SLC46A1: variants seen among roughly 807,000 people sequenced by gnomAD.
SLC46A1 encodes the protein solute carrier family 46 member 1, also known as proton-coupled folate transporter.
In SLC46A1, 17 loss-of-function variants were observed where a neutral mutation model predicts 32.1. The observed-to-expected ratio is 0.53, with a 90% confidence interval of 0.36 to 0.79. The LOEUF (loss-of-function observed/expected upper bound fraction) is 0.79, where lower values mean the gene tolerates loss of function less well. Ranked by LOEUF, SLC46A1 falls within the 30% of genes least tolerant of loss-of-function variation. The pLI is 0.00. For synonymous variants in SLC46A1, 240 were observed against 262.7 expected (o/e 0.91, Z 0.84); for missense variants, 517 against 588.2 (o/e 0.88, Z 1.25).
Position 28,405,329 on chromosome 17 carries a change from C to A in SLC46A1, c.368G>T (p.Gly123Val). ...GGACACTAGGGCCTGGAGCAGCAGG[C>A]CCAGCGAGGCCAGCACTAGCAGCGG... ...RRPLLVLASL[G>V]LLLQALVSVF... The change falls in exon 2 of 5, where the codon GGC (glycine) becomes GTC (valine). Residue 123 changes from glycine (G) to valine (V), a missense_variant. Gly to Val is a moderately radical substitution (Grantham distance 109). Coordinates refer to ENST00000612814, the MANE Select transcript of SLC46A1 (RefSeq NM_080669.6). 6.3e-7 allele frequency: 1 copy of A among 1,589,542 alleles called. No homozygotes were observed. Among genetic ancestry groups the A allele is most frequent in the Admixed American group, 1.8e-5 (1 of 55,824 alleles).
In SLC46A1 at chr17:28,396,482, T is replaced by G; in HGVS notation, c.*3174A>C. 2 of 659,108 alleles carry G rather than the reference T, an allele frequency of 3.0e-6. No homozygotes were observed. Among genetic ancestry groups the G allele is most frequent in the Non-Finnish European group, 5.1e-6 (2 of 393,520 alleles). 40.8% of individuals were successfully genotyped at this position (659,108 alleles called of 1,614,324 possible). A position where few individuals can be genotyped will look rare whatever the true frequency, so the allele number is the denominator to read the frequency against. ...TCAGTATCTGGAGAGGGAAGGGAAG[T>G]CAGGCTTGGGCACGGGAGGTTAGAA... On this transcript the variant is annotated 3_prime_UTR_variant, in exon 5 of 5. Coordinates refer to ENST00000612814, the MANE Select transcript of SLC46A1 (RefSeq NM_080669.6).
At position 28,405,184 on chromosome 17, in the gene SLC46A1, G is replaced by C; in HGVS notation, c.513C>G (p.Val171=). Residue 171 remains valine, a synonymous_variant, in exon 2 of 5, where the codon GTC becomes GTG. Transcript: ENST00000612814. ...LAASFASVAD[V]SSSRSRTFRM... is the part of the protein sequence containing the mutation. ...GGAAGGTGCGGCTGCGACTGGAGCT[G>C]ACATCTGCCACGGACGCAAAGCTAG... 1 of 1,607,074 alleles carries C rather than the reference G, an allele frequency of 6.2e-7. No homozygotes were observed. The highest frequency in any genetic ancestry group is 8.5e-7 in the Non-Finnish European group (1 of 1,176,698).
rs1555589790 is a variant in SLC46A1 at position 28,402,332 on chromosome 17, A to G, written c.1082-11T>C. The G allele has an allele frequency of 6.2e-7, 1 of 1,610,984 alleles. No homozygotes were observed. On this transcript the variant is annotated splice_polypyrimidine_tract_variant and intron_variant, in intron 2 of 4. Transcript: ENST00000612814. ...AAAGCAACCCATATCCTGTGGAGAA[A>G]CAAACACTCATCAGGAAAATGGGGC...
rs2068236814 is a variant in SLC46A1 at position 28,404,829 on chromosome 17, G to C, written c.868C>G (p.Leu290Val). The stretch of plus-strand genomic sequence containing the variant: ...CAGAGGGGTGTGCTTAGTTCATAAA[G>C]GGTTAAGATGTCCTGGGCCCCAAAG... ...VHFGAQDILT[L>V]YELSTPLCWD... Residue 290 changes from leucine (L) to valine (V), a missense_variant, in exon 2 of 5, where the codon CTT becomes GTT. Transcript: ENST00000612814. 1 of 1,613,842 alleles carries C rather than the reference G, an allele frequency of 6.2e-7. No individual in the cohort carries two copies. Among genetic ancestry groups the C allele is most frequent in the Non-Finnish European group, 8.5e-7 (1 of 1,179,890 alleles).
chr17:28,400,933 T>A (rs1255673730), intron 3 of SLC46A1, 167 bp from the exon 4 acceptor site: 2 of 684,656 alleles, frequency 2.9e-6, no homozygotes, highest in African/African-American at 3.5e-5. Flanking sequence ...TTCAGTAAGG[T>A]CATATGTGGA....
chr17:28,394,655 A>G lies in SLC46A1; in HGVS notation c.*5001T>C, dbSNP rs879981435. 9 of 152,180 alleles carry G rather than the reference A, an allele frequency of 5.9e-5. No individual in the cohort carries two copies. Among genetic ancestry groups the G allele is most frequent in the Admixed American group, 5.9e-4 (9 of 15,276 alleles). 9.4% of individuals were successfully genotyped at this position (152,180 alleles called of 1,614,324 possible). ...AACTCAGGAAAGCACTTTACTTACT[A>G]TTAGTTGTTTATTATGTCAACCTTA... On this transcript the variant is annotated 3_prime_UTR_variant, in exon 5 of 5. Transcript: ENST00000612814.
chr17:28,395,816 C>A lies in SLC46A1; in HGVS notation c.*3840G>T. On this transcript the variant is annotated 3_prime_UTR_variant, in exon 5 of 5. Coordinates refer to ENST00000612814, the MANE Select transcript of SLC46A1 (RefSeq NM_080669.6). Reference sequence around the variant, plus strand: ...TGGTGTCCTGCCCTGGGCCCAGCCTCGGGCCAGTGGGCCTCCCAGCACCTG... The same window carrying A: ...TGGTGTCCTGCCCTGGGCCCAGCCTAGGGCCAGTGGGCCTCCCAGCACCTG... The A allele has an allele frequency of 6.6e-7, 1 of 1,510,858 alleles. No individual in the cohort carries two copies. Among genetic ancestry groups the A allele is most frequent in the Admixed American group, 1.7e-5 (1 of 59,186 alleles). The allele number at this position is 1,510,858 out of a possible 1,614,324, so 93.6% of individuals were successfully genotyped here.
rs986248835 is a variant in SLC46A1, at chr17:28,398,102, G to A, written c.*1554C>T. The A allele has an allele frequency of 8.5e-5, 13 of 152,398 alleles. No individual in the cohort carries two copies. The highest frequency in any genetic ancestry group is 3.1e-4 in the African/African-American group (13 of 41,450). 9.4% of individuals were successfully genotyped at this position (152,398 alleles called of 1,614,324 possible). A position where few individuals can be genotyped will look rare whatever the true frequency, so the allele number is the denominator to read the frequency against. Reference sequence around the variant, plus strand: ...GCCAGGGCATGGATATGACAAGCAGGGCAGCCTGGACACTGCCCTCACAGG... The same window carrying A: ...GCCAGGGCATGGATATGACAAGCAGAGCAGCCTGGACACTGCCCTCACAGG... On this transcript the variant is annotated 3_prime_UTR_variant, in exon 5 of 5. Coordinates refer to ENST00000612814, the MANE Select transcript of SLC46A1 (RefSeq NM_080669.6).
rs576755775 is a variant in SLC46A1, at chr17:28,403,418, G to C, written c.1082-1097C>G. ...TCCCTGTGCGACTGCTGACTCCTCA[G>C]CAAAACTGCAAACTCCTACAGGACA... is the stretch of plus-strand genomic sequence containing the variant. On this transcript the variant is annotated intron_variant, in intron 2 of 4. Transcript: ENST00000612814. 1.7e-4 allele frequency: 26 copies of C among 152,462 alleles called. 1 individual carries two copies. Among genetic ancestry groups the C allele is most frequent in the African/African-American group, 6.3e-4 (26 of 41,518 alleles). 9.4% of individuals were successfully genotyped at this position (152,462 alleles called of 1,614,324 possible). A position where few individuals can be genotyped will look rare whatever the true frequency, so the allele number is the denominator to read the frequency against.
At position 28,406,177 on chromosome 17, in the gene SLC46A1, G is replaced by A; in HGVS notation, c.-63C>T. The stretch of plus-strand genomic sequence containing the variant: ...GGGCGCGCGAGCGACTCGCTGCCTG[G>A]GACCAGCGACGCGTGGCGTGGGGCT... On this transcript the variant is annotated 5_prime_UTR_variant, in exon 1 of 5. Coordinates refer to ENST00000612814, the MANE Select transcript of SLC46A1 (RefSeq NM_080669.6). The surrounding 1 kb of genome is among the most constrained non-coding windows in gnomAD (Gnocchi z 4.5). 3 of 1,230,380 alleles carry A rather than the reference G, an allele frequency of 2.4e-6. No individual in the cohort carries two copies. The highest frequency in any genetic ancestry group is 3.1e-6 in the Non-Finnish European group (3 of 959,214). The allele number at this position is 1,230,380 out of a possible 1,614,324, so 76.2% of individuals were successfully genotyped here. A position where few individuals can be genotyped will look rare whatever the true frequency, so the allele number is the denominator to read the frequency against.
Position 28,400,610 on chromosome 17 carries a change from C to A in SLC46A1, c.1322G>T (p.Gly441Val). 6.2e-7 allele frequency: 1 copy of A among 1,613,556 alleles called. No homozygotes were observed. ...GCATGGGTTCAGGGCCCTGCATTAC[C>A]CAATCAGAACAGCCGGGATGAGCAG... Reference protein sequence around the residue: ...GLLLIPAVLIGMLEKADPHLE... With the variant: ...GLLLIPAVLIVMLEKADPHLE... The change falls in exon 4 of 5, where the codon GGG (glycine) becomes GTG (valine). Residue 441 changes from glycine to valine, a missense_variant and splice_region_variant. By Grantham distance (109) the Gly-to-Val change is moderately radical. Coordinates refer to ENST00000612814, the MANE Select transcript of SLC46A1 (RefSeq NM_080669.6).
chr17:28,395,164 A>T lies in SLC46A1; in HGVS notation c.*4492T>A, dbSNP rs2068104749. 6.6e-6 allele frequency: 1 copy of T among 152,144 alleles called. No individual in the cohort carries two copies. Among genetic ancestry groups the T allele is most frequent in the Non-Finnish European group, 1.5e-5 (1 of 68,026 alleles). The allele number at this position is 152,144 out of a possible 1,614,324, so 9.4% of individuals were successfully genotyped here. The stretch of plus-strand genomic sequence containing the variant: ...AAAGCTTGAATAATAGTAATAAATA[A>T]TATTATTAATCTCAAAATCCTGGGC... On this transcript the variant is annotated 3_prime_UTR_variant, in exon 5 of 5. Coordinates refer to ENST00000612814, the MANE Select transcript of SLC46A1 (RefSeq NM_080669.6).
At position 28,404,650 on chromosome 17, in the gene SLC46A1, A is replaced by G; in HGVS notation, c.1047T>C (p.Phe349=). 1 of 1,612,048 alleles carries G rather than the reference A, an allele frequency of 6.2e-7. No homozygotes were observed. ...TGAGAGGCGTGATAGTGGCAAAGGC[A>G]AAGACCACCATCCCCAGGATGTTGA... ...LAFNILGMVV[F]AFATITPLMF... Residue 349 remains phenylalanine (F), a synonymous_variant, in exon 2 of 5, where the codon TTT becomes TTC. Transcript: ENST00000612814.
rs374297439 is a variant in SLC46A1, at chr17:28,396,287, C to G, written c.*3369G>C. ...TGCTGCACCCATGGGTCCAACCTAA[C>G]CAGTCCCCAGTTCCCCAGCCCTGCT... On this transcript the variant is annotated 3_prime_UTR_variant, in exon 5 of 5. Coordinates refer to ENST00000612814, the MANE Select transcript of SLC46A1 (RefSeq NM_080669.6). 774 of 1,613,784 alleles carry G rather than the reference C, an allele frequency of 4.8e-4. No individual in the cohort carries two copies. Among genetic ancestry groups the G allele is most frequent in the Non-Finnish European group, 6.3e-4 (744 of 1,179,852 alleles).
chr17:28,396,247 C>T lies in SLC46A1; in HGVS notation c.*3409G>A. 1 of 1,614,018 alleles carries T rather than the reference C, an allele frequency of 6.2e-7. No homozygotes were observed. The highest frequency in any genetic ancestry group is 8.5e-7 in the Non-Finnish European group (1 of 1,179,890). The stretch of plus-strand genomic sequence containing the variant: ...CCCGGGACTCATCTGCAGGCTCTGA[C>T]ACCAGTTTGGAGGGTGCTGCACCCA... On this transcript the variant is annotated 3_prime_UTR_variant, in exon 5 of 5. Coordinates refer to ENST00000612814, the MANE Select transcript of SLC46A1 (RefSeq NM_080669.6).
intron 2 of SLC46A1, 134 bp downstream of exon 2, chr17:28,404,478 TTCTC>T: frequency 8.9e-7 from 1 of 1,117,824 alleles, no homozygotes; most frequent in Non-Finnish European, 1.3e-6. Context: ...TAGTTGTCTG[TTCTC>T]CAGTGCAGGC....
chr17:28,400,974 A>G, intron 3 of SLC46A1: 1 of 587,028 alleles, frequency 1.7e-6, no homozygotes, highest in Non-Finnish European at 3.1e-6. Flanking sequence ...CTACTAAACA[A>G]ATGGCTGCTA....
chr17:28,403,675 A>T (rs1597833672), intron 2 of SLC46A1: 1 of 152,056 alleles, frequency 6.6e-6, no homozygotes, highest in East Asian at 1.9e-4. Context: ...GACTATACAC[A>T]GCACATTTTA....
At chr17:28,405,835 C>A in intron 1 of SLC46A1, 52 bp downstream of exon 1, 1 of 1,507,474 alleles carries the variant, frequency 6.6e-7, no homozygotes, top group Non-Finnish European at 8.9e-7. Flanking sequence ...CCGCTGCCCC[C>A]ACGCTCCAGA....
Sources: gnomAD v4.1 joint callset for allele counts on GRCh38, gnomAD v4.1.1 for gene constraint, Gnocchi (gnomAD v3.1) non-coding constraint, MANE v1.5 for transcripts, NCBI Gene and HGNC (gene_info 2026-07-23, HGNC 2026-07-21) for gene names.